The following CNTNAP2 variants were observed in gnomAD, a reference collection of about 807,000 sequenced individuals.
CNTNAP2 encodes contactin associated protein 2.
In CNTNAP2, 98 loss-of-function variants were observed where a neutral mutation model predicts 155.2. That is an observed-to-expected ratio of 0.63 (90% CI 0.54 to 0.75). The LOEUF is 0.75. CNTNAP2 is among the 30% of genes least tolerant of loss of function. The pLI is 0.00. For synonymous variants in CNTNAP2, 651 were observed against 631.2 expected, an observed-to-expected ratio of 1.03 and a Z score of -0.47; for missense variants, 1,727 against 1,688.1, an observed-to-expected ratio of 1.02 and a Z score of -0.40.
intron 1 of CNTNAP2, among the ~76,000 whole-genome samples, chr7:146,637,255 A>T (rs931691387): frequency 6.6e-6 from 1 of 152,214 alleles, no homozygotes; most frequent in Non-Finnish European, 1.5e-5. Flanking sequence ...GCAGAAACAC[A>T]AAGGCATAGT....
chr7:146,688,262 A>C (rs1800637033), intron 1 of CNTNAP2, among the ~76,000 whole-genome samples: 1 of 152,164 alleles, frequency 6.6e-6, no homozygotes, highest in Admixed American at 6.5e-5. Flanking sequence ...TACAGCAATA[A>C]TCATAAGAAC....
intron 1 of CNTNAP2, among the ~76,000 whole-genome samples, chr7:146,464,551 A>G (rs952711891): frequency 7.2e-5 from 11 of 152,126 alleles, no homozygotes; most frequent in African/African-American, 2.2e-4. Context: ...TGAAGTAGTA[A>G]GTCTGTAAAT....
chr7:146,957,561 C>T (rs1369945164), intron 3 of CNTNAP2, among the ~76,000 whole-genome samples: 1 of 152,052 alleles, frequency 6.6e-6, no homozygotes, highest in African/African-American at 2.4e-5. Context: ...TAAAGTTTTC[C>T]AGGCCATAGA....
At chr7:148,018,314 A>C (rs1222110224) in intron 15 of CNTNAP2, among the ~76,000 whole-genome samples, 2 of 152,192 alleles carry the variant, frequency 1.3e-5, no homozygotes, top group Non-Finnish European at 2.9e-5. Flanking sequence ...AAGCTCCCAT[A>C]ATTTCTTAAT....
chr7:148,151,102 A>T (rs1219534792), intron 17 of CNTNAP2, among the ~76,000 whole-genome samples: 1 of 152,102 alleles, frequency 6.6e-6, no homozygotes, highest in Non-Finnish European at 1.5e-5. Context: ...GTCTTCTCAC[A>T]ATGGTGTGTG....
intron 13 of CNTNAP2, among the ~76,000 whole-genome samples, chr7:147,813,908 T>C (rs1429364899): frequency 6.6e-6 from 1 of 152,148 alleles, no homozygotes; most frequent in Admixed American, 6.5e-5. Context: ...TCCTTTGTGA[T>C]GTAAATTGTT....
chr7:146,319,909 G>A (rs1255706312), intron 1 of CNTNAP2, among the ~76,000 whole-genome samples: 4 of 152,040 alleles, frequency 2.6e-5, no homozygotes, highest in Non-Finnish European at 2.9e-5. Flanking sequence ...GGAGGAAAAG[G>A]CGAGTTCATT....
intron 1 of CNTNAP2, among the ~76,000 whole-genome samples, chr7:146,500,003 T>G (rs1446635922): frequency 6.6e-6 from 1 of 152,220 alleles, no homozygotes; most frequent in Non-Finnish European, 1.5e-5. Flanking sequence ...AAATTTTTAT[T>G]AATTTTATTT....
chr7:146,572,371 T>C (rs1798455422), intron 1 of CNTNAP2, among the ~76,000 whole-genome samples: 1 of 151,634 alleles, frequency 6.6e-6, no homozygotes, highest in Non-Finnish European at 1.5e-5. Context: ...CTGGGTCTCC[T>C]ATCTTTTTTC....
chr7:146,643,384 C>A (rs1274450178), intron 1 of CNTNAP2, among the ~76,000 whole-genome samples: 3 of 151,968 alleles, frequency 2.0e-5, no homozygotes, highest in Non-Finnish European at 4.4e-5. Context: ...ATATGGCTAG[C>A]CAGTTTTCCC....
rs752097573 is a variant in CNTNAP2 at position 146,500,692 on chromosome 7, C to G, written c.98-273579C>G. ...AAAGGGATGGCTTTGTTTCTTCCTT[C>G]TAATTTCGGTACCTTTGATTTAATT... On this transcript the variant is annotated intron_variant, in intron 1 of 23. Transcript: ENST00000361727. 2.6e-5 allele frequency among the ~76,000 whole-genome samples: 4 copies of G among 152,218 alleles called. No homozygotes were observed. The South Asian group carries it at 8.3e-4, about 32-fold the overall frequency.
At chr7:146,533,631 C>G (rs1797803056) in intron 1 of CNTNAP2, among the ~76,000 whole-genome samples, 1 of 152,052 alleles carries the variant, frequency 6.6e-6, no homozygotes, top group South Asian at 2.1e-4. Context: ...CACTCTTGCT[C>G]CAGAGTCAAT....
chr7:147,302,108 G>GA (rs1202273028), intron 9 of CNTNAP2, among the ~76,000 whole-genome samples: 2 of 152,260 alleles, frequency 1.3e-5, no homozygotes, highest in African/African-American at 4.8e-5. Context: ...ACTGATGTGA[G>GA]AAAAAACAAC....
At chr7:147,354,502 T>C (rs1796028112) in intron 9 of CNTNAP2, among the ~76,000 whole-genome samples, 1 of 152,158 alleles carries the variant, frequency 6.6e-6, no homozygotes, top group African/African-American at 2.4e-5. Flanking sequence ...TATATCTCTG[T>C]TTTGGTACCA....
In CNTNAP2 at chr7:147,301,616, G is replaced by C. The variant is rs1451019281; in HGVS notation, c.1498+1326G>C. Among the ~76,000 whole-genome samples the C allele has an allele frequency of 2.2e-4, 31 of 140,274 alleles. No individual in the cohort carries two copies. In the East Asian group the frequency reaches 4.0e-3, roughly 18 times the overall value. 92.0% of individuals were successfully genotyped at this position (140,274 alleles called of 152,430 possible). Reference sequence around the variant, plus strand: ...TCTGTGTGTGTGTGTGTGTGTGTGTGTGTGTGTGTGTGTGTGTGTGTGTGT... The same window carrying C: ...TCTGTGTGTGTGTGTGTGTGTGTGTCTGTGTGTGTGTGTGTGTGTGTGTGT... On this transcript the variant is annotated intron_variant, in intron 9 of 23. Transcript: ENST00000361727.
At chr7:147,315,792 T>G (rs539048989) in intron 9 of CNTNAP2, among the ~76,000 whole-genome samples, 3 of 152,260 alleles carry the variant, frequency 2.0e-5, no homozygotes, top group Non-Finnish European at 4.4e-5. Context: ...TTCTGGACAT[T>G]TTATATAAAT....
chr7:147,745,809 C>T (rs6955939), intron 13 of CNTNAP2, among the ~76,000 whole-genome samples: 96,216 of 152,112 alleles, frequency 0.63, 33,463 homozygotes, highest in East Asian at 0.92. Context: ...GGAGTCTTCA[C>T]AAGCGCAATC....
chr7:146,759,380 G>A (rs1460115987), intron 1 of CNTNAP2, among the ~76,000 whole-genome samples: 2 of 151,956 alleles, frequency 1.3e-5, no homozygotes, highest in South Asian at 2.1e-4. Context: ...GAAAGGGGAG[G>A]ATGAACAGAT....
intron 1 of CNTNAP2, among the ~76,000 whole-genome samples, chr7:146,269,259 G>A (rs1253434229): frequency 6.6e-6 from 1 of 152,182 alleles, no homozygotes; most frequent in Admixed American, 6.5e-5. Context: ...GGAATCGCTT[G>A]AACCTGGGAG....
Sources: gnomAD v4.1 joint callset for allele counts (sites outside exome capture counted in the v4.1 genomes callset) on GRCh38, gnomAD v4.1.1 for gene constraint, MANE v1.5 for transcripts, NCBI Gene and HGNC (gene_info 2026-07-23, HGNC 2026-07-21) for gene names.